DIAPH1: variants seen among roughly 807,000 people sequenced by gnomAD.
The protein encoded by DIAPH1 is diaphanous related formin 1.
DIAPH1 carries 46 observed loss-of-function variants against 140.7 expected under a neutral mutation model. The ratio of observed to expected loss-of-function variants is 0.33; its 90% confidence interval spans 0.26 to 0.42. The LOEUF is 0.42. DIAPH1 is among the 10% of genes least tolerant of loss of function. The pLI, the probability that DIAPH1 is intolerant of heterozygous loss-of-function variation, is 1.00. For synonymous variants in DIAPH1, 565 were observed against 551.6 expected (o/e 1.02, Z -0.34); for missense variants, 1,310 against 1,558.7 (o/e 0.84, Z 2.69).
At chr5:141,606,506 T>C (rs905450899) in intron 1 of DIAPH1, among the ~76,000 whole-genome samples, 4 of 152,152 alleles carry the variant, frequency 2.6e-5, no homozygotes, top group Admixed American at 6.5e-5. Context: ...GCAATTCTCC[T>C]GCCTCGGCCT....
At chr5:141,561,522 T>C (rs1211342081) in intron 18 of DIAPH1, among the ~76,000 whole-genome samples, 1 of 149,734 alleles carries the variant, frequency 6.7e-6, no homozygotes, top group East Asian at 1.9e-4. Context: ...AGAAGTGCTC[T>C]AGAATCTTCT....
At chr5:141,522,696 T>C (rs2099886747) in intron 27 of DIAPH1, among the ~76,000 whole-genome samples, 1 of 152,002 alleles carries the variant, frequency 6.6e-6, no homozygotes, top group South Asian at 2.1e-4. Context: ...TAAGAACCTA[T>C]AAAGACAAAA....
chr5:141,534,587 C>A (rs1254369055), intron 18 of DIAPH1, 154 bp from the exon 19 acceptor site: 12 of 655,544 alleles, frequency 1.8e-5, no homozygotes, highest in Non-Finnish European at 2.5e-5. Flanking sequence ...TTCAACCAAC[C>A]ACCCTTTTAT....
At position 141,572,054 on chromosome 5, in the gene DIAPH1, C is replaced by T. The variant is rs771242509; in HGVS notation, c.2359-14G>A. The T allele has an allele frequency of 6.3e-7, 1 of 1,587,030 alleles. No homozygotes were observed. Among genetic ancestry groups the T allele is most frequent in the Non-Finnish European group, 8.7e-7 (1 of 1,155,310 alleles). On this transcript the variant is annotated splice_polypyrimidine_tract_variant and intron_variant, in intron 16 of 27. Coordinates refer to ENST00000389054, the MANE Select transcript of DIAPH1 (RefSeq NM_005219.5). ...CTCAGCCACAAGCTGTGGATAAAGG[C>T]AGGGTGTTAAGAATTAGTAAACTGA...
chr5:141,571,722 A>T (rs2099895223), intron 17 of DIAPH1: 1 of 697,320 alleles, frequency 1.4e-6, no homozygotes, highest in Non-Finnish European at 2.6e-6. Context: ...CCTACATACA[A>T]CAGTTCTCTT....
Position 141,539,446 on chromosome 5 carries a change from AT to A in DIAPH1, c.2483-5014del, listed in dbSNP as rs1302619367. Among the ~76,000 whole-genome samples, 4 of 72,642 alleles carry A rather than the reference AT, an allele frequency of 5.5e-5. No homozygotes were observed. The East Asian group carries it at 1.6e-3, about 29-fold the overall frequency. The allele number at this position is 72,642 out of a possible 152,430, so 47.7% of individuals were successfully genotyped here. ...TTTTTTTTTGTTTTTTTTTTTTGGT[AT>A]TTTTAGTAGAGACAGGGTTTCACCA... On this transcript the variant is annotated intron_variant, in intron 18 of 27. Transcript: ENST00000389054.
chr5:141,593,171 A>G (rs2099898752), intron 1 of DIAPH1, among the ~76,000 whole-genome samples: 1 of 152,186 alleles, frequency 6.6e-6, no homozygotes, highest in Non-Finnish European at 1.5e-5. Flanking sequence ...GGCACCAGAT[A>G]CCTATGGAAA....
chr5:141,592,348 T>C (rs2099898628), intron 1 of DIAPH1, among the ~76,000 whole-genome samples: 1 of 152,172 alleles, frequency 6.6e-6, no homozygotes, highest in Admixed American at 6.5e-5. Context: ...CAGAGTGTAT[T>C]GTTTACTTAG....
At chr5:141,538,650 C>A (rs1199201052) in intron 18 of DIAPH1, among the ~76,000 whole-genome samples, 1 of 151,818 alleles carries the variant, frequency 6.6e-6, no homozygotes, top group African/African-American at 2.4e-5. Flanking sequence ...CCAGGCTGGT[C>A]TCGAACTCCT....
In DIAPH1 at chr5:141,516,120, CAG is replaced by C. The variant is rs2099885641; in HGVS notation, c.*729_*730del. 6.4e-6 allele frequency: 1 copy of C among 156,364 alleles called. No homozygotes were observed. The highest frequency in any genetic ancestry group is 1.4e-5 in the Non-Finnish European group (1 of 70,640). The allele number at this position is 156,364 out of a possible 1,614,324, so 9.7% of individuals were successfully genotyped here. On this transcript the variant is annotated 3_prime_UTR_variant, in exon 28 of 28. Transcript: ENST00000389054. The stretch of plus-strand genomic sequence containing the variant: ...TAGCCTGGGGTTGGTGCAGAGCGTC[CAG>C]AGAGGCAAGGGCATAAAGCGTGGCA...
At chr5:141,560,461 T>C (rs1036606432) in intron 18 of DIAPH1, among the ~76,000 whole-genome samples, 1 of 152,196 alleles carries the variant, frequency 6.6e-6, no homozygotes, top group Non-Finnish European at 1.5e-5. Context: ...AAAGGACATA[T>C]TAATTCTCTT....
At chr5:141,541,408 C>T (rs1343178828) in intron 18 of DIAPH1, among the ~76,000 whole-genome samples, 2 of 152,144 alleles carry the variant, frequency 1.3e-5, no homozygotes, top group Admixed American at 1.3e-4. Flanking sequence ...TACTTAAGGG[C>T]TGTGCACAGT....
At position 141,516,679 on chromosome 5, in the gene DIAPH1, C is replaced by A; in HGVS notation, c.*172G>T. 2 of 746,146 alleles carry A rather than the reference C, an allele frequency of 2.7e-6. No individual in the cohort carries two copies. The highest frequency in any genetic ancestry group is 5.4e-5 in the East Asian group (2 of 36,936). The allele number at this position is 746,146 out of a possible 1,614,324, so 46.2% of individuals were successfully genotyped here. ...CTGCCCTTTCCTTCTGGCCTCCAGG[C>A]AGCTGAAGCTGTATGTGATGTTGAG... is the stretch of plus-strand genomic sequence containing the variant. On this transcript the variant is annotated 3_prime_UTR_variant, in exon 28 of 28. Coordinates refer to ENST00000389054, the MANE Select transcript of DIAPH1 (RefSeq NM_005219.5).
At position 141,527,744 on chromosome 5, in the gene DIAPH1, G is replaced by A. The variant is rs539029983; in HGVS notation, c.3149-47C>T. The A allele has an allele frequency of 1.4e-5, 22 of 1,520,932 alleles. No homozygotes were observed. The South Asian group carries it at 1.8e-4, about 12-fold the overall frequency. The allele number at this position is 1,520,932 out of a possible 1,614,324, so 94.2% of individuals were successfully genotyped here. ...AAAACCATAAAAACAGACAGCAAGA[G>A]CTTACTAATAATCCCAGCCTCAACA... On this transcript the variant is annotated intron_variant, in intron 23 of 27. Coordinates refer to ENST00000389054, the MANE Select transcript of DIAPH1 (RefSeq NM_005219.5).
chr5:141,549,917 T>C (rs2099891425), intron 18 of DIAPH1, among the ~76,000 whole-genome samples: 1 of 152,190 alleles, frequency 6.6e-6, no homozygotes, highest in Non-Finnish European at 1.5e-5. Flanking sequence ...ACACACTCTG[T>C]ATTGGTTGAG....
At chr5:141,558,286 C>G (rs968330936) in intron 18 of DIAPH1, 4 of 152,138 alleles carry the variant, frequency 2.6e-5, no homozygotes, top group African/African-American at 9.7e-5. Context: ...TAGGAGACAA[C>G]AGAACGGAAG....
chr5:141,555,792 T>C (rs2099892481), intron 18 of DIAPH1, among the ~76,000 whole-genome samples: 1 of 152,180 alleles, frequency 6.6e-6, no homozygotes, highest in East Asian at 1.9e-4. Flanking sequence ...GCTATGTGGT[T>C]AAAAAGTGGC....
chr5:141,526,582 A>C (rs148116628), intron 24 of DIAPH1, 121 bp from the exon 25 acceptor site: 1 of 1,249,248 alleles, frequency 8.0e-7, no homozygotes, highest in African/African-American at 1.5e-5. Flanking sequence ...AGCACTGTTT[A>C]TAACAGCAAA....
chr5:141,517,794 G>A lies in DIAPH1; in HGVS notation c.3662-786C>T, dbSNP rs552352793. ...GGTGGCTAAGAGATGGTCAAGTTCC[G>A]GCTGTCATACCAGATTAGAAAAGAA... On this transcript the variant is annotated intron_variant, in intron 27 of 27. Transcript: ENST00000389054. 2.6e-5 allele frequency among the ~76,000 whole-genome samples: 4 copies of A among 152,218 alleles called. No homozygotes were observed. The East Asian group carries it at 5.8e-4, about 22-fold the overall frequency.
Sources: gnomAD v4.1 joint callset for allele counts (sites outside exome capture counted in the v4.1 genomes callset) on GRCh38, gnomAD v4.1.1 for gene constraint, MANE v1.5 for transcripts, NCBI Gene and HGNC (gene_info 2026-07-23, HGNC 2026-07-21) for gene names.